PPP2R2C: variants seen among roughly 807,000 people sequenced by gnomAD.
PPP2R2C encodes protein phosphatase 2 regulatory subunit Bgamma.
Under a neutral mutation model 45.3 loss-of-function variants are expected in PPP2R2C, and 10 were observed. That is an observed-to-expected ratio of 0.22 (90% CI 0.14 to 0.37). PPP2R2C has a LOEUF of 0.37. Ranked by LOEUF, PPP2R2C falls within the 10% of genes least tolerant of loss-of-function variation. The pLI is 1.00. For synonymous variants in PPP2R2C, 257 were observed against 245.4 expected, an observed-to-expected ratio of 1.05 and a Z score of -0.44; for missense variants, 308 against 619.7, an observed-to-expected ratio of 0.50 and a Z score of 5.34.
In PPP2R2C at chr4:6,328,095, G is replaced by T. The variant is rs1732103937; in HGVS notation, c.1052+1167C>A. Among the ~76,000 whole-genome samples the T allele has an allele frequency of 6.6e-6, 1 of 152,118 alleles. No homozygotes were observed. On this transcript the variant is annotated intron_variant, in intron 8 of 8. Coordinates refer to ENST00000382599, the MANE Select transcript of PPP2R2C (RefSeq NM_020416.4). This position sits in a 1 kb window ranked among gnomAD's most constrained non-coding sequence, Gnocchi z 4.4. ...AGTGCCAGCCACCCTCAGAGGTCTG[G>T]GAGAGCCCAGACCTGTCATGTTGAC... is the stretch of plus-strand genomic sequence containing the variant.
intron 1 of PPP2R2C, 110 bp downstream of exon 1, chr4:6,472,035 TGGGGTGGGGTGGGGC>T (rs1721924594): frequency 2.2e-6 from 2 of 902,878 alleles, no homozygotes; most frequent in African/African-American, 4.4e-5. Context: ...TGGGATGGGG[TGGGGTGGGGTGGGGC>T]GGGGGGACAC....
intron 1 of PPP2R2C, among the ~76,000 whole-genome samples, chr4:6,553,914 A>G (rs1323075268): frequency 6.6e-6 from 1 of 152,048 alleles, no homozygotes; most frequent in African/African-American, 2.4e-5. Context: ...CAGGAGTCCA[A>G]ATGGCCTCGG....
chr4:6,501,077 T>C (rs1208615751), intron 2 of PPP2R2C, among the ~76,000 whole-genome samples: 1 of 152,206 alleles, frequency 6.6e-6, no homozygotes, highest in Non-Finnish European at 1.5e-5. Context: ...TCCAAGGCTT[T>C]TTTAAGTTGG....
intron 1 of PPP2R2C, among the ~76,000 whole-genome samples, chr4:6,449,555 A>T: frequency 6.6e-6 from 1 of 151,912 alleles, no homozygotes; most frequent in East Asian, 1.9e-4. Context: ...GTCGGGAGGG[A>T]CTCCCGTGTC....
intron 1 of PPP2R2C, among the ~76,000 whole-genome samples, chr4:6,419,090 T>C (rs1273610636): frequency 6.6e-6 from 1 of 152,220 alleles, no homozygotes; most frequent in Non-Finnish European, 1.5e-5. Context: ...GAATGTTTTC[T>C]GCATTTTCAA....
chr4:6,488,903 G>T (rs921146644), intron 2 of PPP2R2C, among the ~76,000 whole-genome samples: 1 of 152,152 alleles, frequency 6.6e-6, no homozygotes, highest in African/African-American at 2.4e-5. Context: ...CTAAGTACTG[G>T]TATCACAGGT....
rs1017361596 is a variant in PPP2R2C at position 6,324,465 on chromosome 4, C to G, written c.1053-872G>C. 3.9e-5 allele frequency among the ~76,000 whole-genome samples: 6 copies of G among 151,998 alleles called. No individual in the cohort carries two copies. The highest frequency in any genetic ancestry group is 1.5e-4 in the African/African-American group (6 of 41,364). On this transcript the variant is annotated intron_variant, in intron 8 of 8. Coordinates refer to ENST00000382599, the MANE Select transcript of PPP2R2C (RefSeq NM_020416.4). The surrounding 1 kb of genome is among the most constrained non-coding windows in gnomAD (Gnocchi z 4.1). ...AAAAGAAAAGAAAAGAAAAGACCCT[C>G]CTGTAATTTCTGTTAGTCCAGGAGA...
At chr4:6,514,076 T>A (rs923770447) in intron 2 of PPP2R2C, among the ~76,000 whole-genome samples, 20 of 152,196 alleles carry the variant, frequency 1.3e-4, no homozygotes, top group African/African-American at 4.8e-4. Context: ...TGCACCGAAT[T>A]CATTTTATGT....
intron 5 of PPP2R2C, among the ~76,000 whole-genome samples, chr4:6,360,355 G>T (rs982549924): frequency 6.6e-6 from 1 of 152,256 alleles, no homozygotes; most frequent in Non-Finnish European, 1.5e-5. Flanking sequence ...AGGCTGGCTG[G>T]ACTGGCTTGT....
At chr4:6,453,572 T>TC (rs1449779617) in intron 1 of PPP2R2C, among the ~76,000 whole-genome samples, 1 of 147,612 alleles carries the variant, frequency 6.8e-6, no homozygotes, top group African/African-American at 2.5e-5. Context: ...CCGAGAATGG[T>TC]CCCCCCGCAC....
chr4:6,425,566 G>C (rs918586825), intron 1 of PPP2R2C, among the ~76,000 whole-genome samples: 1 of 152,220 alleles, frequency 6.6e-6, no homozygotes, highest in Non-Finnish European at 1.5e-5. Flanking sequence ...CCCCCATGAC[G>C]TGTGAACCTG....
intron 1 of PPP2R2C, among the ~76,000 whole-genome samples, chr4:6,433,946 C>CA (rs906932029): frequency 3.9e-5 from 6 of 152,140 alleles, no homozygotes; most frequent in African/African-American, 1.4e-4. Flanking sequence ...GCAAAGGGCA[C>CA]AAAAAAGCTA....
chr4:6,542,709 A>AAAAAG (rs1553908404), intron 1 of PPP2R2C, among the ~76,000 whole-genome samples: 9 of 127,830 alleles, frequency 7.0e-5, no homozygotes, highest in Admixed American at 1.8e-4. Context: ...TCTCAAAAAA[A>AAAAAG]AAAAAGAAAA....
intron 4 of PPP2R2C, among the ~76,000 whole-genome samples, chr4:6,374,729 C>A (rs1047642129): frequency 6.6e-6 from 1 of 152,306 alleles, no homozygotes; most frequent in African/African-American, 2.4e-5. Flanking sequence ...GCTGGGGACA[C>A]TTTGGGGACA....
At chr4:6,410,833 T>A (rs1718122196) in intron 1 of PPP2R2C, among the ~76,000 whole-genome samples, 2 of 147,318 alleles carry the variant, frequency 1.4e-5, no homozygotes, top group Non-Finnish European at 3.0e-5. Context: ...GGACTACTAT[T>A]CCCCCTGTTT....
intron 1 of PPP2R2C, among the ~76,000 whole-genome samples, chr4:6,392,323 A>G (rs1034002260): frequency 6.6e-6 from 1 of 152,176 alleles, no homozygotes; most frequent in Admixed American, 6.5e-5. Context: ...TCCCCAGAGA[A>G]AGCCCACTCT....
chr4:6,414,098 G>C, intron 1 of PPP2R2C: 2 of 1,285,388 alleles, frequency 1.6e-6, no homozygotes, highest in Non-Finnish European at 2.1e-6. Context: ...GTGTGTGTGT[G>C]TGTGTGTGTG....
At chr4:6,442,566 G>A (rs1720208829) in intron 1 of PPP2R2C, among the ~76,000 whole-genome samples, 1 of 152,208 alleles carries the variant, frequency 6.6e-6, no homozygotes, top group African/African-American at 2.4e-5. Context: ...AGGCGACAAG[G>A]TGACACCAGT....
rs1725653780 is a variant in PPP2R2C at position 6,563,561 on chromosome 4, T to C, written c.-60A>G. On this transcript the variant is annotated splice_region_variant and 5_prime_UTR_variant, in exon 1 of 10. Transcript: ENST00000506140. This position sits in a 1 kb window ranked among gnomAD's most constrained non-coding sequence, Gnocchi z 5.8. Reference sequence around the variant, plus strand: ...GGGCGCCCTGCAGCCCGCGCTTACCTTCGGAAACTTCGAGGTCGGCGGCCC... The same window carrying C: ...GGGCGCCCTGCAGCCCGCGCTTACCCTCGGAAACTTCGAGGTCGGCGGCCC... 6.6e-6 allele frequency: 1 copy of C among 151,066 alleles called. No individual in the cohort carries two copies. The highest frequency in any genetic ancestry group is 2.5e-5 in the African/African-American group (1 of 40,654). The allele number at this position is 151,066 out of a possible 1,614,324, so 9.4% of individuals were successfully genotyped here. A position where few individuals can be genotyped will look rare whatever the true frequency, so the allele number is the denominator to read the frequency against.
Sources: allele counts gnomAD v4.1 joint callset (sites outside exome capture counted in the v4.1 genomes callset), GRCh38; gene constraint gnomAD v4.1.1; non-coding constraint Gnocchi (gnomAD v3.1); transcripts MANE v1.5; gene names NCBI Gene and HGNC (gene_info 2026-07-23, HGNC 2026-07-21).